The following LOC128092252 variants were observed in gnomAD, a reference collection of about 807,000 sequenced individuals.
the LOC128092252 span, among the ~76,000 whole-genome samples, chr15:50,677,374 G>C: frequency 6.7e-6 from 1 of 149,674 alleles, no homozygotes; most frequent in Admixed American, 6.6e-5. Context: ...ATGAATTCTC[G>C]GGGAGCGAGG....
At chr15:50,663,637 A>C in the LOC128092252 span, among the ~76,000 whole-genome samples, 2 of 152,190 alleles carry the variant, frequency 1.3e-5, no homozygotes, top group South Asian at 4.1e-4. Flanking sequence ...AAAAACCTTA[A>C]GAGGGGCTGG....
chr15:50,680,655 T>C, the LOC128092252 span, among the ~76,000 whole-genome samples: 2 of 151,884 alleles, frequency 1.3e-5, no homozygotes, highest in African/African-American at 2.4e-5. Context: ...GTAAAGGAAA[T>C]TCTATTAGGT....
the LOC128092252 span, among the ~76,000 whole-genome samples, chr15:50,653,009 G>T: frequency 6.6e-6 from 1 of 152,000 alleles, no homozygotes; most frequent in Non-Finnish European, 1.5e-5. Context: ...AAATTAGCCA[G>T]GCATGGTGGC....
the LOC128092252 span, among the ~76,000 whole-genome samples, chr15:50,653,625 T>C: frequency 7.7e-4 from 117 of 152,242 alleles, no homozygotes; most frequent in African/African-American, 2.6e-3. Flanking sequence ...TTCTCAATCA[T>C]AGAGATGACA....
chr15:50,661,809 T>G, the LOC128092252 span, among the ~76,000 whole-genome samples: 2 of 152,116 alleles, frequency 1.3e-5, no homozygotes, highest in African/African-American at 4.8e-5. Context: ...TGCAAATACT[T>G]TTGTCAATTA....
At chr15:50,682,899 C>A in the LOC128092252 span, among the ~76,000 whole-genome samples, 1 of 143,360 alleles carries the variant, frequency 7.0e-6, no homozygotes, top group Admixed American at 7.1e-5. Context: ...CGGTACCAAA[C>A]TTTTTTTTTT....
the LOC128092252 span, among the ~76,000 whole-genome samples, chr15:50,651,922 A>G: frequency 4.9e-4 from 75 of 151,986 alleles, no homozygotes; most frequent in Admixed American, 4.4e-3. Context: ...TAAAATAATA[A>G]TTTTCTAAAT....
the LOC128092252 span, among the ~76,000 whole-genome samples, chr15:50,679,501 G>GTA: frequency 4.7e-4 from 40 of 84,634 alleles, no homozygotes; most frequent in South Asian, 2.4e-3. Flanking sequence ...ATATATATGT[G>GTA]TATATATATA....
the LOC128092252 span, among the ~76,000 whole-genome samples, chr15:50,652,692 G>A: frequency 6.6e-6 from 1 of 152,050 alleles, no homozygotes; most frequent in Non-Finnish European, 1.5e-5. Context: ...ATTTCATGAG[G>A]TGAGACTCAT....
chr15:50,660,950 C>T, the LOC128092252 span, among the ~76,000 whole-genome samples: 1 of 151,234 alleles, frequency 6.6e-6, no homozygotes, highest in Non-Finnish European at 1.5e-5. Context: ...TTGTGGTATA[C>T]ACAATAACAG....
At chr15:50,675,137 G>GT in the LOC128092252 span, among the ~76,000 whole-genome samples, 1 of 152,164 alleles carries the variant, frequency 6.6e-6, no homozygotes, top group Admixed American at 6.6e-5. Context: ...GAGGTCAGGA[G>GT]TTTGAGACCA....
At chr15:50,667,711 C>T in the LOC128092252 span, among the ~76,000 whole-genome samples, 4 of 151,618 alleles carry the variant, frequency 2.6e-5, no homozygotes, top group Non-Finnish European at 5.9e-5. Flanking sequence ...CATCCCCCTC[C>T]AAAAAAACAT....
chr15:50,679,702 A>AT, the LOC128092252 span, among the ~76,000 whole-genome samples: 6 of 150,398 alleles, frequency 4.0e-5, no homozygotes. Context: ...CGTCCAGCTG[A>AT]TTTTTATATT....
the LOC128092252 span, among the ~76,000 whole-genome samples, chr15:50,658,407 T>C: frequency 1.3e-5 from 2 of 150,304 alleles, no homozygotes; most frequent in Admixed American, 6.6e-5. Context: ...ACTCCGTCTC[T>C]ACAAAAAAAA....
the LOC128092252 span, among the ~76,000 whole-genome samples, chr15:50,675,363 C>A: frequency 1.3e-5 from 2 of 151,768 alleles, no homozygotes; most frequent in Non-Finnish European, 2.9e-5. Context: ...AAAAGAAAAT[C>A]TCCTACAGCC....
At chr15:50,654,162 A>G in the LOC128092252 span, among the ~76,000 whole-genome samples, 3 of 152,184 alleles carry the variant, frequency 2.0e-5, no homozygotes, top group Non-Finnish European at 4.4e-5. Context: ...ATGATAAAAA[A>G]TTATTGGCCG....
the LOC128092252 span, among the ~76,000 whole-genome samples, chr15:50,672,985 C>A: frequency 1.4e-5 from 2 of 143,598 alleles, no homozygotes; most frequent in Admixed American, 7.1e-5. Flanking sequence ...GTGTTTTATA[C>A]GAAGTGTTAT....
chr15:50,679,993 G>C, the LOC128092252 span, among the ~76,000 whole-genome samples: 10 of 150,720 alleles, frequency 6.6e-5, no homozygotes, highest in Admixed American at 4.0e-4. Flanking sequence ...CAGCACTTTG[G>C]GGGGCCAAGG....
the LOC128092252 span, among the ~76,000 whole-genome samples, chr15:50,681,451 C>T: frequency 1.3e-5 from 2 of 152,140 alleles, no homozygotes; most frequent in Non-Finnish European, 2.9e-5. Context: ...ATAGTAAAGG[C>T]TAATGTATAG....
Sources: gnomAD v4.1 joint callset for allele counts (sites outside exome capture counted in the v4.1 genomes callset) on GRCh38, gnomAD v4.1.1 for gene constraint, MANE v1.5 for transcripts.